MTMR1: variants seen among roughly 807,000 people sequenced by gnomAD.
The protein encoded by MTMR1 is myotubularin related protein 1.
In MTMR1, 17 loss-of-function variants were observed where a neutral mutation model predicts 51.6. The observed-to-expected ratio is 0.33, with a 90% CI of 0.23 to 0.49. The LOEUF (loss-of-function observed/expected upper bound fraction) is 0.49, where lower values mean the gene tolerates loss of function less well. MTMR1 is among the 20% of genes least tolerant of loss of function. MTMR1 has a pLI of 0.99. For synonymous variants in MTMR1, 201 were observed against 205.6 expected, an observed-to-expected ratio of 0.98 and a Z score of 0.19; for missense variants, 386 against 526.9, an observed-to-expected ratio of 0.73 and a Z score of 2.62.
At position 150,737,540 on chromosome X, in the gene MTMR1, A is replaced by G. The variant is rs890843194; in HGVS notation, c.1473+92A>G. On this transcript the variant is annotated intron_variant, in intron 12 of 15. Transcript: ENST00000445323. The stretch of plus-strand genomic sequence containing the variant: ...GTGACACACGTAAGCGCATATATAC[A>G]CACACACGTGCAGGCTTTCTCTTCT... The G allele has an allele frequency of 5.7e-5, 41 of 720,315 alleles. No individual in the cohort carries two copies. The African/African-American group carries it at 8.5e-4, about 15-fold the overall frequency. The allele number at this position is 720,315 out of a possible 1,213,427, so 59.4% of individuals were successfully genotyped here. A position where few individuals can be genotyped will look rare whatever the true frequency, so the allele number is the denominator to read the frequency against.
intron 1 of MTMR1, among the ~76,000 whole-genome samples, chrX:150,698,669 T>TACAC (rs1269816051): frequency 3.1e-5 from 2 of 64,128 alleles, no homozygotes; most frequent in South Asian, 1.2e-3. Flanking sequence ...AAACCCTGTC[T>TACAC]ACACGCGCGC....
In MTMR1 at chrX:150,749,787, T is replaced by G. The variant is rs185986335; in HGVS notation, c.1567-943T>G. 1.9e-4 allele frequency among the ~76,000 whole-genome samples: 21 copies of G among 112,192 alleles called. 1 individual carries two copies. In the East Asian group the frequency reaches 4.5e-3, roughly 24 times the overall value. ...TCGTAAAGTAAACCCCACTTGGTCA[T>G]GTTGTGTTACCTTTTTAAAATGTAT... On this transcript the variant is annotated intron_variant, in intron 13 of 15. Transcript: ENST00000445323.
chrX:150,710,964 T>C (rs782478898), intron 2 of MTMR1, among the ~76,000 whole-genome samples: 1 of 112,513 alleles, frequency 8.9e-6, no homozygotes, highest in Non-Finnish European at 1.9e-5. Flanking sequence ...AAAATAGATC[T>C]AGTTAAGTGT....
At chrX:150,744,247 C>A in intron 12 of MTMR1, 114 bp from the exon 13 acceptor site, 1 of 482,010 alleles carries the variant, frequency 2.1e-6, no homozygotes, top group Non-Finnish European at 3.4e-6. Flanking sequence ...CTGTTATGTG[C>A]CAGGAATTCT....
chrX:150,714,462 C>T, intron 3 of MTMR1: 1 of 975,196 alleles, frequency 1.0e-6, no homozygotes, highest in Non-Finnish European at 1.3e-6. Context: ...CTTGTCCATG[C>T]ACCTGGTGCT....
intron 14 of MTMR1, among the ~76,000 whole-genome samples, chrX:150,753,766 G>A: frequency 9.0e-6 from 1 of 111,565 alleles, no homozygotes; most frequent in East Asian, 2.8e-4. Flanking sequence ...CCCACTCTAG[G>A]GGTTGTTTTT....
chrX:150,696,019 A>C (rs782311190), intron 1 of MTMR1, among the ~76,000 whole-genome samples: 13 of 111,635 alleles, frequency 1.2e-4, no homozygotes, highest in African/African-American at 4.2e-4. Context: ...CTGAGTTAGG[A>C]AACACAGGAG....
chrX:150,749,073 G>A (rs996593235), intron 13 of MTMR1, among the ~76,000 whole-genome samples: 1 of 112,357 alleles, frequency 8.9e-6, no homozygotes, highest in East Asian at 2.8e-4. Context: ...TATTCTGATG[G>A]GATTCCTTAG....
At chrX:150,760,828 G>A (rs369218263) in intron 15 of MTMR1, among the ~76,000 whole-genome samples, 11 of 109,817 alleles carry the variant, frequency 1.0e-4, no homozygotes, top group African/African-American at 3.7e-4. Flanking sequence ...TCAGGAGGCT[G>A]AGGCAGGAGA....
At chrX:150,737,939 C>T (rs1311851856) in intron 12 of MTMR1, among the ~76,000 whole-genome samples, 4 of 111,050 alleles carry the variant, frequency 3.6e-5, no homozygotes, top group African/African-American at 1.3e-4. Context: ...TGTTAGCGGG[C>T]GCCTGTAGTC....
intron 13 of MTMR1, among the ~76,000 whole-genome samples, chrX:150,748,843 A>G (rs899160806): frequency 1.2e-4 from 13 of 110,073 alleles, no homozygotes; most frequent in African/African-American, 4.0e-4. Context: ...AAATAAATGC[A>G]TGAATGAGAG....
At chrX:150,762,281 C>T (rs1603277674) in intron 15 of MTMR1, among the ~76,000 whole-genome samples, 1 of 112,490 alleles carries the variant, frequency 8.9e-6, no homozygotes, top group Non-Finnish European at 1.9e-5. Context: ...TGTCCCCGTG[C>T]CTGCTTGTCT....
intron 3 of MTMR1, chrX:150,712,736 G>T: frequency 5.1e-6 from 1 of 196,539 alleles, no homozygotes. Context: ...ACAGAATTTA[G>T]CAACTAAAAA....
chrX:150,739,311 T>G (rs1268435467), intron 12 of MTMR1, among the ~76,000 whole-genome samples: 1 of 112,740 alleles, frequency 8.9e-6, no homozygotes, highest in Non-Finnish European at 1.9e-5. Flanking sequence ...GTCAAATGTT[T>G]AGGGCAGTGT....
In MTMR1 at chrX:150,755,745, G is replaced by A. The variant is rs782654606; in HGVS notation, c.1737G>A (p.Glu579=). The stretch of plus-strand genomic sequence containing the variant: ...CGTATATCAATAGCCAGCTAGACGA[G>A]TTTTCTAATCCCTTCTTTGTGAATT... ...LWSYINSQLD[E]FSNPFFVNYE... The change falls in exon 15 of 16, where the codon GAG becomes GAA. Residue 579 remains glutamate (E), a synonymous_variant. Coordinates refer to ENST00000445323, the MANE Select transcript of MTMR1 (RefSeq NM_001306144.3). 1 of 1,204,647 alleles carries A rather than the reference G, an allele frequency of 8.3e-7. No individual in the cohort carries two copies. Among genetic ancestry groups the A allele is most frequent in the African/African-American group, 1.8e-5 (1 of 56,817 alleles).
intron 4 of MTMR1, among the ~76,000 whole-genome samples, chrX:150,724,005 A>G (rs2041844605): frequency 8.9e-6 from 1 of 112,208 alleles, no homozygotes; most frequent in African/African-American, 3.2e-5. Context: ...GATTGATTCC[A>G]TGACTTTGCT....
intron 3 of MTMR1, 108 bp downstream of exon 3, chrX:150,712,473 A>G: frequency 1.4e-6 from 1 of 729,719 alleles, no homozygotes; most frequent in East Asian, 3.6e-5. Flanking sequence ...GGTTTTTATG[A>G]ATCACTCAGA....
At position 150,742,644 on chromosome X, in the gene MTMR1, G is replaced by A. The variant is rs183750839; in HGVS notation, c.1474-1717G>A. Among the ~76,000 whole-genome samples the A allele has an allele frequency of 1.0e-3, 112 of 108,840 alleles. 1 individual carries two copies. Among genetic ancestry groups the A allele is most frequent in the Non-Finnish European group, 4.6e-4 (24 of 52,355 alleles). 94.5% of individuals were successfully genotyped at this position (108,840 alleles called of 115,157 possible). ...ATCTTGGCTAACACGGTGAAACCCC[G>A]TCTCTACTAAAAATACAAAAAAATT... On this transcript the variant is annotated intron_variant, in intron 12 of 15. Transcript: ENST00000445323.
chrX:150,698,725 C>CACACACACACAA (rs1342602428), intron 1 of MTMR1, among the ~76,000 whole-genome samples: 1 of 105,581 alleles, frequency 9.5e-6, no homozygotes, highest in East Asian at 3.0e-4. Flanking sequence ...CACACACACA[C>CACACACACACAA]AAAAGCCGGG....
Sources: gnomAD v4.1 joint callset for allele counts (sites outside exome capture counted in the v4.1 genomes callset) on GRCh38, gnomAD v4.1.1 for gene constraint, MANE v1.5 for transcripts, NCBI Gene and HGNC (gene_info 2026-07-23, HGNC 2026-07-21) for gene names.